Variants in SETBP1 observed in about 807,000 individuals in gnomAD.
The protein encoded by SETBP1 is SET-binding protein.
A neutral mutation model predicts 101.0 loss-of-function variants in SETBP1; 9 were observed. The observed-to-expected ratio is 0.09, with a 90% confidence interval of 0.05 to 0.16. The LOEUF (loss-of-function observed/expected upper bound fraction) is 0.16. Among genes scored for constraint, SETBP1 ranks in the 10% least tolerant of loss-of-function variants. The pLI, the probability that SETBP1 is intolerant of heterozygous loss-of-function variation, is 1.00. For synonymous variants in SETBP1, 818 were observed against 788.5 expected, an observed-to-expected ratio of 1.04 and a Z score of -0.63; for missense variants, 1,858 against 2,033.8, an observed-to-expected ratio of 0.91 and a Z score of 1.66.
intron 4 of SETBP1, 97 bp downstream of exon 4, chr18:44,953,437 G>A: frequency 9.0e-7 from 1 of 1,109,584 alleles, no homozygotes; most frequent in Non-Finnish European, 1.3e-6. Flanking sequence ...TCACTAGTTT[G>A]CAAAGAGGTG....
At chr18:44,822,833 A>G (rs764905829) in intron 2 of SETBP1, among the ~76,000 whole-genome samples, 3 of 152,232 alleles carry the variant, frequency 2.0e-5, no homozygotes, top group Non-Finnish European at 4.4e-5. Flanking sequence ...CAACAATTAC[A>G]GTTGTTTTCA....
At chr18:44,884,453 C>A (rs1292810684) in intron 3 of SETBP1, among the ~76,000 whole-genome samples, 1 of 152,174 alleles carries the variant, frequency 6.6e-6, no homozygotes, top group East Asian at 1.9e-4. Context: ...AAGGCTTTTG[C>A]CACTTTTGCC....
intron 2 of SETBP1, among the ~76,000 whole-genome samples, chr18:44,753,287 A>G (rs2070426257): frequency 6.6e-6 from 1 of 152,182 alleles, no homozygotes; most frequent in South Asian, 2.1e-4. Flanking sequence ...GATTTTGTGC[A>G]ACGAATCATA....
At chr18:44,999,157 A>ATG (rs917682333) in intron 4 of SETBP1, among the ~76,000 whole-genome samples, 4 of 151,992 alleles carry the variant, frequency 2.6e-5, no homozygotes, top group African/African-American at 9.7e-5. Context: ...AGACTCACGT[A>ATG]TGTGTGATTC....
chr18:44,924,453 T>C (rs2070652769), intron 3 of SETBP1, among the ~76,000 whole-genome samples: 1 of 152,148 alleles, frequency 6.6e-6, no homozygotes. Context: ...ATAGTTGCAT[T>C]TTAGTATTTA....
intron 2 of SETBP1, among the ~76,000 whole-genome samples, chr18:44,755,615 C>A (rs1455196640): frequency 6.6e-6 from 1 of 151,908 alleles, no homozygotes; most frequent in African/African-American, 2.4e-5. Flanking sequence ...CTATTGGCTT[C>A]TCTTGTTCTG....
At chr18:45,007,446 T>A (rs1163283092) in intron 4 of SETBP1, among the ~76,000 whole-genome samples, 7 of 151,932 alleles carry the variant, frequency 4.6e-5, no homozygotes, top group Non-Finnish European at 8.8e-5. Flanking sequence ...TATTCTCCAG[T>A]GTGAAAATTT....
Position 44,769,240 on chromosome 18 carries a change from C to T in SETBP1, c.486+67408C>T, listed in dbSNP as rs368812415. Among the ~76,000 whole-genome samples the T allele has an allele frequency of 7.2e-5, 11 of 152,306 alleles. No homozygotes were observed. In the East Asian group the frequency reaches 1.9e-3, roughly 27 times the overall value. On this transcript the variant is annotated intron_variant, in intron 2 of 5. Coordinates refer to ENST00000649279, the MANE Select transcript of SETBP1 (RefSeq NM_015559.3). ...TCTACTTAACACATGTCCCTTTTTA[C>T]GTCTTGATGCCATTTTTTATTTCTT...
intron 2 of SETBP1, among the ~76,000 whole-genome samples, chr18:44,779,598 C>G (rs752157659): frequency 1.3e-5 from 2 of 151,716 alleles, no homozygotes; most frequent in African/African-American, 4.8e-5. Context: ...AAAGGGAGAG[C>G]GAGAGGGAAA....
Position 45,019,479 on chromosome 18 carries a change from T to A in SETBP1, c.4001-19006T>A, listed in dbSNP as rs569356786. ...GTTTTTTGTGAGTAATTTTTTTAAATCTCTTTAAAAGTCTGGCATTTGCCT... is the reference window on the plus strand; with the variant it reads ...GTTTTTTGTGAGTAATTTTTTTAAAACTCTTTAAAAGTCTGGCATTTGCCT... On this transcript the variant is annotated intron_variant, in intron 4 of 5. Transcript: ENST00000649279. Among the ~76,000 whole-genome samples, 41 of 152,342 alleles carry A rather than the reference T, an allele frequency of 2.7e-4. No homozygotes were observed. The South Asian group carries it at 8.1e-3, about 30-fold the overall frequency.
chr18:44,970,150 T>C (rs1037768831), intron 4 of SETBP1: 1 of 154,740 alleles, frequency 6.5e-6, no homozygotes, highest in African/African-American at 2.4e-5. Flanking sequence ...GTGGCTTTGC[T>C]CAGGGACTCA....
At chr18:44,764,459 T>G (rs570955683) in intron 2 of SETBP1, among the ~76,000 whole-genome samples, 38 of 152,210 alleles carry the variant, frequency 2.5e-4, no homozygotes, top group African/African-American at 8.9e-4. Flanking sequence ...TTCTTCTTCT[T>G]TCTTCGTTCT....
At chr18:44,989,905 AAATT>A (rs2072326660) in intron 4 of SETBP1, among the ~76,000 whole-genome samples, 2 of 85,452 alleles carry the variant, frequency 2.3e-5, no homozygotes, top group Non-Finnish European at 4.1e-5. Context: ...AAAAAAAAAA[AAATT>A]TATCTAAGTG....
chr18:44,839,701 G>A (rs1469248187), intron 2 of SETBP1, among the ~76,000 whole-genome samples: 1 of 152,210 alleles, frequency 6.6e-6, no homozygotes. Flanking sequence ...ATCCAGATAA[G>A]TGGAGGTCTG....
At chr18:44,681,313 T>A (rs1426889426) in intron 1 of SETBP1, among the ~76,000 whole-genome samples, 3 of 152,174 alleles carry the variant, frequency 2.0e-5, no homozygotes, top group African/African-American at 7.2e-5. Context: ...CAAACCATTA[T>A]CTCTTTGACC....
At chr18:45,045,619 T>G (rs2073596603) in intron 5 of SETBP1, among the ~76,000 whole-genome samples, 1 of 152,108 alleles carries the variant, frequency 6.6e-6, no homozygotes, top group Non-Finnish European at 1.5e-5. Flanking sequence ...CATGAAATGC[T>G]CTGGTTGAAT....
chr18:44,761,901 T>C (rs2070658349), intron 2 of SETBP1, among the ~76,000 whole-genome samples: 1 of 152,230 alleles, frequency 6.6e-6, no homozygotes, highest in African/African-American at 2.4e-5. Context: ...AGCCAGGGCC[T>C]GGACTCAGGC....
intron 2 of SETBP1, among the ~76,000 whole-genome samples, chr18:44,717,447 G>C (rs1197081393): frequency 6.6e-6 from 1 of 152,208 alleles, no homozygotes; most frequent in South Asian, 2.1e-4. Context: ...AACAGATTTA[G>C]GATGCTCAAG....
chr18:44,723,639 A>G (rs2144351296), intron 2 of SETBP1, among the ~76,000 whole-genome samples: 1 of 152,238 alleles, frequency 6.6e-6, no homozygotes, highest in East Asian at 1.9e-4. Flanking sequence ...CCATCTTATT[A>G]CAGTTTGGCA....
Sources: allele counts gnomAD v4.1 joint callset (sites outside exome capture counted in the v4.1 genomes callset), GRCh38; gene constraint gnomAD v4.1.1; transcripts MANE v1.5; gene names NCBI Gene and HGNC (gene_info 2026-07-23, HGNC 2026-07-21).